Variants in ABHD2 observed in about 807,000 individuals in gnomAD.
The protein encoded by ABHD2 is monoacylglycerol lipase ABHD2.
In ABHD2, 20 loss-of-function variants were observed where a neutral mutation model predicts 48.1. The observed-to-expected ratio is 0.42, with a 90% CI of 0.29 to 0.60. ABHD2 has a LOEUF of 0.60. ABHD2 is among the 20% of genes least tolerant of loss of function. ABHD2 has a pLI of 0.24. For synonymous variants in ABHD2, 209 were observed against 214.2 expected (o/e 0.98, Z 0.21); for missense variants, 405 against 550.9 (o/e 0.74, Z 2.65).
intron 7 of ABHD2, among the ~76,000 whole-genome samples, chr15:89,187,456 A>G (rs1239303145): frequency 2.0e-5 from 3 of 152,222 alleles, no homozygotes; most frequent in Admixed American, 1.3e-4. Flanking sequence ...CAGAATACCA[A>G]GTTGGCATAA....
the ABHD2 span, among the ~76,000 whole-genome samples, chr15:89,054,688 AAAAAAG>A: frequency 6.8e-6 from 1 of 147,094 alleles, no homozygotes; most frequent in Non-Finnish European, 1.5e-5. Context: ...TCAAAAAAAG[AAAAAAG>A]AAAAAAAAAA....
chr15:89,106,225 G>T lies in ABHD2; in HGVS notation c.-106-7500G>T, dbSNP rs2049783162. ...AGCTACGCCAGAGGCTTGAACCCAG[G>T]AGGCAGAGGTTGCAGTGACCTGAGA... On this transcript the variant is annotated intron_variant, in intron 1 of 10. Transcript: ENST00000352732. This position sits in a 1 kb window ranked among gnomAD's most constrained non-coding sequence, Gnocchi z 4.2. 6.6e-6 allele frequency: 1 copy of T among 152,314 alleles called. No individual in the cohort carries two copies. The highest frequency in any genetic ancestry group is 2.1e-4 in the South Asian group (1 of 4,840). The allele number at this position is 152,314 out of a possible 1,614,324, so 9.4% of individuals were successfully genotyped here.
intron 5 of ABHD2, among the ~76,000 whole-genome samples, chr15:89,170,224 T>A (rs941423801): frequency 6.7e-5 from 10 of 148,960 alleles, no homozygotes; most frequent in Admixed American, 5.5e-4. Flanking sequence ...GCCTCCCAAG[T>A]AGCTGGGACT....
At chr15:89,081,886 C>T in the ABHD2 span, among the ~76,000 whole-genome samples, 1 of 152,106 alleles carries the variant, frequency 6.6e-6, no homozygotes, top group Admixed American at 6.6e-5. Flanking sequence ...AAATGTAATC[C>T]TTATGAAATG....
rs141117416 is a variant in ABHD2, at chr15:89,137,475, C to T, written c.195-14202C>T. On this transcript the variant is annotated intron_variant, in intron 3 of 10. Coordinates refer to ENST00000352732, the MANE Select transcript of ABHD2 (RefSeq NM_152924.5). This position sits in a 1 kb window ranked among gnomAD's most constrained non-coding sequence, Gnocchi z 4.8. ...TAACATTCATATTTTATAGTTTGCA[C>T]GATATGCACAAAGGTCACAGATGTA... Among the ~76,000 whole-genome samples, 22 of 152,308 alleles carry T rather than the reference C, an allele frequency of 1.4e-4. No homozygotes were observed. Among genetic ancestry groups the T allele is most frequent in the South Asian group, 4.1e-4 (2 of 4,826 alleles).
Position 89,176,115 on chromosome 15 carries a change from T to G in ABHD2, c.722+120T>G. ...ACACTGTGGCCGACTGAGTAGAAGTTTCTGAGTCTTGGACTCACCTTGTTT... is the reference window on the plus strand; with the variant it reads ...ACACTGTGGCCGACTGAGTAGAAGTGTCTGAGTCTTGGACTCACCTTGTTT... On this transcript the variant is annotated intron_variant, in intron 6 of 10. Coordinates refer to ENST00000352732, the MANE Select transcript of ABHD2 (RefSeq NM_152924.5). This position sits in a 1 kb window ranked among gnomAD's most constrained non-coding sequence, Gnocchi z 4.5. 1 of 1,113,764 alleles carries G rather than the reference T, an allele frequency of 9.0e-7. No homozygotes were observed. The highest frequency in any genetic ancestry group is 2.6e-5 in the East Asian group (1 of 38,782). 69.0% of individuals were successfully genotyped at this position (1,113,764 alleles called of 1,614,324 possible).
At chr15:89,099,490 G>A (rs1296011682) in intron 1 of ABHD2, among the ~76,000 whole-genome samples, 1 of 152,174 alleles carries the variant, frequency 6.6e-6, no homozygotes, top group Non-Finnish European at 1.5e-5. Context: ...GCACATACCT[G>A]CAGTCCCAGC....
the ABHD2 span, among the ~76,000 whole-genome samples, chr15:89,044,611 T>G: frequency 6.6e-6 from 1 of 151,490 alleles, no homozygotes; most frequent in Non-Finnish European, 1.5e-5. Context: ...TGGTGTGAGA[T>G]GGTATCTCAT....
the ABHD2 span, among the ~76,000 whole-genome samples, chr15:89,078,906 A>T: frequency 2.0e-5 from 3 of 151,854 alleles, no homozygotes; most frequent in African/African-American, 7.3e-5. Flanking sequence ...AATTTTTTGT[A>T]CTTTTAATAG....
At position 89,193,147 on chromosome 15, in the gene ABHD2, C is replaced by T. The variant is rs1429066398; in HGVS notation, c.997-88C>T. On this transcript the variant is annotated intron_variant, in intron 9 of 10. Transcript: ENST00000352732. ...GACCCTCTTCCCTTTGCTTCAAAAA[C>T]ATGTCCAGCAGTGAGTTTGAGCCTT... 3.8e-6 allele frequency: 5 copies of T among 1,302,306 alleles called. No homozygotes were observed. The East Asian group carries it at 9.3e-5, about 24-fold the overall frequency. 80.7% of individuals were successfully genotyped at this position (1,302,306 alleles called of 1,614,324 possible).
In ABHD2 at chr15:89,201,720, G is replaced by A. The variant is rs149549561; in HGVS notation, c.*6297G>A. On this transcript the variant is annotated 3_prime_UTR_variant, in exon 11 of 11. Transcript: ENST00000352732. ...ATTTGTAGTGACTACATCTGTGAAG[G>A]GGCCTTTGAATTTGAGGTCTATGGG... 963 of 1,604,730 alleles carry A rather than the reference G, an allele frequency of 6.0e-4. 4 individuals carry two copies. The East Asian group carries it at 0.011, about 19-fold the overall frequency.
intron 3 of ABHD2, among the ~76,000 whole-genome samples, chr15:89,123,996 C>T (rs2050094353): frequency 6.6e-6 from 1 of 152,170 alleles, no homozygotes; most frequent in Admixed American, 6.5e-5. Context: ...GTTGTACATA[C>T]TTCTTAACAG....
At chr15:89,068,689 A>G in the ABHD2 span, among the ~76,000 whole-genome samples, 2 of 146,138 alleles carry the variant, frequency 1.4e-5, no homozygotes, top group Non-Finnish European at 1.5e-5. Flanking sequence ...ATGGCATCAT[A>G]TGATATTGGT....
chr15:89,170,122 G>A (rs1182107419), intron 5 of ABHD2, among the ~76,000 whole-genome samples: 1 of 101,124 alleles, frequency 9.9e-6, no homozygotes, highest in East Asian at 3.6e-4. Flanking sequence ...TTGGAGACGG[G>A]GTCTCACTCT....
At chr15:89,152,003 C>G (rs988634399) in intron 4 of ABHD2, 151 bp downstream of exon 4, 2 of 963,828 alleles carry the variant, frequency 2.1e-6, no homozygotes, top group African/African-American at 3.3e-5. Context: ...CACTTAGGAG[C>G]AGCCTGCAAA....
the ABHD2 span, among the ~76,000 whole-genome samples, chr15:89,063,338 A>G: frequency 1.3e-5 from 2 of 152,154 alleles, no homozygotes; most frequent in Non-Finnish European, 2.9e-5. Flanking sequence ...TTCTTATTAC[A>G]TATGAAAAAT....
At chr15:89,085,085 C>T (rs1901330476), upstream of ABHD2, among the ~76,000 whole-genome samples, 2 of 152,180 alleles carry the variant, frequency 1.3e-5, no homozygotes, top group African/African-American at 4.8e-5. The surrounding 1 kb of genome is among the most constrained non-coding windows in gnomAD (Gnocchi z 4.2). Context: ...CCACTGCTCC[C>T]TGCTGTCTCC....
At chr15:89,055,595 A>G in the ABHD2 span, among the ~76,000 whole-genome samples, 1 of 152,268 alleles carries the variant, frequency 6.6e-6, no homozygotes, top group African/African-American at 2.4e-5. Flanking sequence ...TCGGCCTCCC[A>G]AAGTGCTGGG....
At chr15:89,113,048 T>C (rs1224287862) in intron 1 of ABHD2, among the ~76,000 whole-genome samples, 2 of 152,242 alleles carry the variant, frequency 1.3e-5, no homozygotes, top group East Asian at 3.8e-4. Context: ...TTCTCTCTTT[T>C]GCTTCTGCTG....
Sources: gnomAD v4.1 joint callset for allele counts (sites outside exome capture counted in the v4.1 genomes callset) on GRCh38, gnomAD v4.1.1 for gene constraint, Gnocchi (gnomAD v3.1) non-coding constraint, MANE v1.5 for transcripts, NCBI Gene and HGNC (gene_info 2026-07-23, HGNC 2026-07-21) for gene names.